Variants in SRCIN1 observed in about 807,000 individuals in gnomAD.
SRCIN1 encodes P130Cas-associated protein.
SRCIN1 carries 50 observed loss-of-function variants against 116.2 expected under a neutral mutation model. The observed-to-expected ratio is 0.43, with a 90% confidence interval of 0.34 to 0.54. The LOEUF (loss-of-function observed/expected upper bound fraction) is 0.54. SRCIN1 is among the 20% of genes least tolerant of loss of function. SRCIN1 has a pLI of 0.02. For synonymous variants in SRCIN1, 736 were observed against 750.0 expected (o/e 0.98, Z 0.30); for missense variants, 1,446 against 1,672.0 (o/e 0.86, Z 2.36).
intron 8 of SRCIN1, 42 bp from the exon 9 acceptor site, chr17:38,560,139 C>T: frequency 4.6e-6 from 7 of 1,516,020 alleles, no homozygotes; most frequent in Non-Finnish European, 6.2e-6. Context: ...TCCAGGCCAG[C>T]CCCAGACCTT....
chr17:38,570,993 A>G (rs1907045787), intron 2 of SRCIN1, among the ~76,000 whole-genome samples: 1 of 152,216 alleles, frequency 6.6e-6, no homozygotes, highest in African/African-American at 2.4e-5. Context: ...CTCCCTCTGG[A>G]AAGTGGGAAG....
Position 38,533,066 on chromosome 17 carries a change from T to G in SRCIN1, c.*231A>C. ...TGTGTTTGGTTTTTAGTTTTACTGT[T>G]TAAAAAAAGATAATTAAAAGTTAAT... On this transcript the variant is annotated 3_prime_UTR_variant, in exon 19 of 19. Coordinates refer to ENST00000617146, the MANE Select transcript of SRCIN1 (RefSeq NM_025248.3). 1 of 384,670 alleles carries G rather than the reference T, an allele frequency of 2.6e-6. No individual in the cohort carries two copies. The highest frequency in any genetic ancestry group is 4.3e-6 in the Non-Finnish European group (1 of 231,452). The allele number at this position is 384,670 out of a possible 1,614,324, so 23.8% of individuals were successfully genotyped here.
At chr17:38,580,785 TGA>T (rs1452310947) in intron 1 of SRCIN1, among the ~76,000 whole-genome samples, 3 of 152,206 alleles carry the variant, frequency 2.0e-5, no homozygotes, top group Admixed American at 2.0e-4. Context: ...TCCAAATACA[TGA>T]GAGATGACTT....
Position 38,551,117 on chromosome 17 carries a change from C to T in SRCIN1, c.2962+38G>A, listed in dbSNP as rs563897914. 767 of 895,254 alleles carry T rather than the reference C, an allele frequency of 8.6e-4. 8 individuals carry two copies. Among genetic ancestry groups the T allele is most frequent in the South Asian group, 8.4e-3 (480 of 57,202 alleles). The allele number at this position is 895,254 out of a possible 1,614,324, so 55.5% of individuals were successfully genotyped here. ...TGGGCTCCTGAGGAGGGCACTCCCC[C>T]ACGCTGGGCTCCTTACCAGCCCTAC... On this transcript the variant is annotated intron_variant, in intron 15 of 18. Coordinates refer to ENST00000617146, the MANE Select transcript of SRCIN1 (RefSeq NM_025248.3).
Position 38,549,086 on chromosome 17 carries a change from GACC to G in SRCIN1, c.3084_3086del (p.Val1029del). The G allele has an allele frequency of 1.2e-6, 2 of 1,612,926 alleles. No homozygotes were observed. The highest frequency in any genetic ancestry group is 2.2e-5 in the East Asian group (1 of 44,848). On this transcript the variant is annotated inframe_deletion, in exon 16 of 19. Transcript: ENST00000617146. ...TGAAGGCCGAGTCCTTCTTGCTGGT[GACC>G]ACCACCTCTCCGGTACGTGTGGTGG...
intron 18 of SRCIN1, among the ~76,000 whole-genome samples, chr17:38,539,846 C>T (rs896964287): frequency 7.2e-5 from 11 of 151,784 alleles, no homozygotes; most frequent in African/African-American, 2.4e-4. Context: ...CATGGTGAAA[C>T]CCCACCTCTA....
Position 38,552,301 on chromosome 17 carries a change from CA to C in SRCIN1, c.2480+145del. Reference sequence around the variant, plus strand: ...AAGAGGAAGCCAGGTCTACAGCATGCAGGGGTCACAGGGCAGAGCTGAGGTG... The same window carrying C: ...AAGAGGAAGCCAGGTCTACAGCATGCGGGGTCACAGGGCAGAGCTGAGGTG... On this transcript the variant is annotated intron_variant, in intron 13 of 18. Coordinates refer to ENST00000617146, the MANE Select transcript of SRCIN1 (RefSeq NM_025248.3). The surrounding 1 kb of genome is among the most constrained non-coding windows in gnomAD (Gnocchi z 5.3). The C allele has an allele frequency of 7.2e-7, 1 of 1,397,600 alleles. No individual in the cohort carries two copies. The highest frequency in any genetic ancestry group is 9.6e-7 in the Non-Finnish European group (1 of 1,046,616). 86.6% of individuals were successfully genotyped at this position (1,397,600 alleles called of 1,614,324 possible). A position where few individuals can be genotyped will look rare whatever the true frequency, so the allele number is the denominator to read the frequency against.
rs1277998964 is a variant in SRCIN1 at position 38,560,106 on chromosome 17, C to A, written c.1794-9G>T. 2 of 1,544,794 alleles carry A rather than the reference C, an allele frequency of 1.3e-6. No individual in the cohort carries two copies. The highest frequency in any genetic ancestry group is 2.4e-5 in the East Asian group (1 of 41,180). On this transcript the variant is annotated splice_polypyrimidine_tract_variant and intron_variant, in intron 8 of 18. Coordinates refer to ENST00000617146, the MANE Select transcript of SRCIN1 (RefSeq NM_025248.3). ...AGCCTTCAATCTTCTCGCTGTGGCA[C>A]AGGGAAAAAAGCCATCAGGGGGTCC...
At chr17:38,576,604 A>C (rs888465457) in intron 2 of SRCIN1, among the ~76,000 whole-genome samples, 3 of 152,036 alleles carry the variant, frequency 2.0e-5, no homozygotes, top group Non-Finnish European at 4.4e-5. Flanking sequence ...TGAGTGGTGC[A>C]TATGGTGCCT....
rs202156821 is a variant in SRCIN1, at chr17:38,605,692, G to C, written c.14C>G (p.Pro5Arg). MGNAPSQDPERSSPP... is the reference protein window; with the variant it reads MGNARSQDPERSSPP... Reference sequence around the variant, plus strand: ...GAGAGACAGGGACATGCCTTGGGACGGAGCGTTCCCCATCGGGCGGGGGCG... The same window carrying C: ...GAGAGACAGGGACATGCCTTGGGACCGAGCGTTCCCCATCGGGCGGGGGCG... The change falls in exon 1 of 19, where the codon CCG (proline) becomes CGG (arginine). Residue 5 changes from proline to arginine, a missense_variant. Physicochemically the swap from Pro to Arg is moderately radical, Grantham distance 103. This residue lies in a region of SRCIN1 where 246 missense variants were observed against 265.1 expected (regional missense o/e 0.93). Coordinates refer to ENST00000617146, the MANE Select transcript of SRCIN1 (RefSeq NM_025248.3). 2 of 1,272,408 alleles carry C rather than the reference G, an allele frequency of 1.6e-6. No homozygotes were observed. The highest frequency in any genetic ancestry group is 3.3e-5 in the East Asian group (1 of 30,242). The allele number at this position is 1,272,408 out of a possible 1,614,324, so 78.8% of individuals were successfully genotyped here. A position where few individuals can be genotyped will look rare whatever the true frequency, so the allele number is the denominator to read the frequency against.
Position 38,543,847 on chromosome 17 carries a change from G to A in SRCIN1, c.3393C>T (p.Tyr1131=). 6.2e-7 allele frequency: 1 copy of A among 1,607,734 alleles called. No individual in the cohort carries two copies. Among genetic ancestry groups the A allele is most frequent in the Non-Finnish European group, 8.5e-7 (1 of 1,179,712 alleles). The change falls in exon 18 of 19, where the codon TAC becomes TAT. Residue 1131 remains tyrosine (Y), a synonymous_variant. Coordinates refer to ENST00000617146, the MANE Select transcript of SRCIN1 (RefSeq NM_025248.3). ...CCTGCTGCTGGGCCTGGATCCGCAT[G>A]TACTCGGCCCTCTGCTTGCCATGTT... ...KSKHGKQRAE[Y]MRIQAQQQAT...
intron 1 of SRCIN1, among the ~76,000 whole-genome samples, chr17:38,598,088 G>A (rs935680160): frequency 3.3e-5 from 5 of 152,140 alleles, no homozygotes; most frequent in African/African-American, 9.7e-5. Flanking sequence ...CCAGGTAGAG[G>A]AGAGCCCAGA....
chr17:38,550,330 TAAAAATACAA>T (rs1305958205), intron 15 of SRCIN1, among the ~76,000 whole-genome samples: 6 of 151,814 alleles, frequency 4.0e-5, no homozygotes, highest in African/African-American at 1.5e-4. Flanking sequence ...CCATCTCTAC[TAAAAATACAA>T]AAAAATTAGC....
In SRCIN1 at chr17:38,550,039, G is replaced by A. The variant is rs186451097; in HGVS notation, c.2963-829C>T. Among the ~76,000 whole-genome samples the A allele has an allele frequency of 5.9e-3, 905 of 152,370 alleles. 6 individuals carry two copies. The highest frequency in any genetic ancestry group is 8.0e-3 in the Non-Finnish European group (542 of 68,044). ...CTAGGGCCTCCGCCAGGACTGCACA[G>A]TACCGGCATTCACCTCTGCTATTAC... On this transcript the variant is annotated intron_variant, in intron 15 of 18. Transcript: ENST00000617146.
intron 7 of SRCIN1, 41 bp downstream of exon 7, chr17:38,561,422 C>G (rs1906229796): frequency 1.4e-6 from 2 of 1,457,668 alleles, no homozygotes; most frequent in Non-Finnish European, 1.8e-6. Flanking sequence ...CGCAGCGCAC[C>G]CCCCACCCCC....
chr17:38,586,673 GA>G (rs1247747880), intron 1 of SRCIN1, among the ~76,000 whole-genome samples: 3 of 152,374 alleles, frequency 2.0e-5, no homozygotes, highest in Admixed American at 2.0e-4. Flanking sequence ...TGGGATGGGG[GA>G]TGATGGAGCC....
chr17:38,591,215 A>G (rs1489346175), intron 1 of SRCIN1, among the ~76,000 whole-genome samples: 1 of 152,202 alleles, frequency 6.6e-6, no homozygotes, highest in East Asian at 1.9e-4. Flanking sequence ...GGAAAGGAGA[A>G]CTCATTACAT....
chr17:38,563,797 A>G lies in SRCIN1; in HGVS notation c.542-276T>C. 1 of 652,694 alleles carries G rather than the reference A, an allele frequency of 1.5e-6. No individual in the cohort carries two copies. Among genetic ancestry groups the G allele is most frequent in the Non-Finnish European group, 2.7e-6 (1 of 366,842 alleles). 40.4% of individuals were successfully genotyped at this position (652,694 alleles called of 1,614,324 possible). Reference sequence around the variant, plus strand: ...TGGGGGCAGAGCAGGTGGGGCGGAAACTGAGGGGAAGTGAGCTGAGGGAGA... The same window carrying G: ...TGGGGGCAGAGCAGGTGGGGCGGAAGCTGAGGGGAAGTGAGCTGAGGGAGA... On this transcript the variant is annotated intron_variant, in intron 4 of 18. Transcript: ENST00000617146. The surrounding 1 kb of genome is among the most constrained non-coding windows in gnomAD (Gnocchi z 5.8).
chr17:38,603,223 G>C (rs1909163630), intron 1 of SRCIN1, among the ~76,000 whole-genome samples: 1 of 151,974 alleles, frequency 6.6e-6, no homozygotes, highest in African/African-American at 2.4e-5. Context: ...GAGAGAGAGA[G>C]AAAGAGAGAG....
Sources: gnomAD v4.1 joint callset for allele counts (sites outside exome capture counted in the v4.1 genomes callset) on GRCh38, gnomAD v4.1.1 for gene constraint, gnomAD v4.1.1 regional missense constraint, Gnocchi (gnomAD v3.1) non-coding constraint, MANE v1.5 for transcripts, NCBI Gene and HGNC (gene_info 2026-07-23, HGNC 2026-07-21) for gene names.